Variants in FRAS1 observed in about 807,000 individuals in gnomAD.
The protein encoded by FRAS1 is Fraser extracellular matrix complex subunit 1.
In FRAS1, 290 loss-of-function variants were observed where a neutral mutation model predicts 435.2. The ratio of observed to expected loss-of-function variants is 0.67; its 90% CI spans 0.61 to 0.73. The LOEUF (loss-of-function observed/expected upper bound fraction) is 0.73. FRAS1 is among the 30% of genes least tolerant of loss of function. The probability of loss-of-function intolerance (pLI) is 0.00; values close to 1 mark genes in which losing one functional copy is unlikely to be tolerated. For missense variants in FRAS1, 4,860 were observed against 5,001.5 expected (o/e 0.97, Z 0.85); for synonymous variants, 1,800 against 1,851.0 (o/e 0.97, Z 0.71).
chr4:78,281,859 A>G (rs1727346576), intron 11 of FRAS1, among the ~76,000 whole-genome samples: 1 of 152,192 alleles, frequency 6.6e-6, no homozygotes, highest in Non-Finnish European at 1.5e-5. Context: ...TCTACAGGAC[A>G]ATGTTATATG....
At chr4:78,480,642 G>A (rs1560751334) in intron 56 of FRAS1, among the ~76,000 whole-genome samples, 1 of 152,206 alleles carries the variant, frequency 6.6e-6, no homozygotes, top group African/African-American at 2.4e-5. Context: ...TCATGTAAGA[G>A]CCCAAAGCGA....
At chr4:78,280,007 C>T (rs1208047570) in intron 10 of FRAS1, among the ~76,000 whole-genome samples, 1 of 152,186 alleles carries the variant, frequency 6.6e-6, no homozygotes, top group African/African-American at 2.4e-5. Flanking sequence ...GTGGCTGTAA[C>T]TTTCACAGTT....
chr4:78,265,376 G>A (rs544292090), intron 7 of FRAS1, among the ~76,000 whole-genome samples: 1 of 152,128 alleles, frequency 6.6e-6, no homozygotes, highest in Admixed American at 6.5e-5. Flanking sequence ...TGTCTTGAGG[G>A]GGAAAAAAAG....
intron 20 of FRAS1, among the ~76,000 whole-genome samples, chr4:78,341,932 C>T (rs1014561222): frequency 1.3e-5 from 2 of 152,172 alleles, no homozygotes; most frequent in Non-Finnish European, 2.9e-5. Flanking sequence ...TGCCCTGAAC[C>T]TAAAGTCCTG....
At chr4:78,288,456 C>T (rs902124449) in intron 14 of FRAS1, among the ~76,000 whole-genome samples, 4 of 152,074 alleles carry the variant, frequency 2.6e-5, no homozygotes, top group African/African-American at 9.7e-5. Flanking sequence ...CTCCCATGCC[C>T]GTTGTTTTAA....
chr4:78,499,670 T>A, intron 60 of FRAS1, 51 bp from the exon 61 acceptor site: 1 of 1,519,740 alleles, frequency 6.6e-7, no homozygotes, highest in South Asian at 1.2e-5. Flanking sequence ...GGAGTCTGAA[T>A]CCTTTGTGCT....
intron 2 of FRAS1, among the ~76,000 whole-genome samples, chr4:78,188,033 T>A (rs1722348350): frequency 6.6e-6 from 1 of 152,212 alleles, no homozygotes; most frequent in Non-Finnish European, 1.5e-5. Flanking sequence ...AAAGTTTAAA[T>A]TCACCAAGTG....
chr4:78,324,164 T>C (rs975974060), intron 18 of FRAS1, among the ~76,000 whole-genome samples: 9 of 151,656 alleles, frequency 5.9e-5, no homozygotes, highest in Non-Finnish European at 8.8e-5. Flanking sequence ...TTATACATAT[T>C]ACAGAAACTT....
chr4:78,370,706 C>T (rs1244613163), intron 23 of FRAS1, among the ~76,000 whole-genome samples: 9 of 152,172 alleles, frequency 5.9e-5, no homozygotes, highest in Non-Finnish European at 8.8e-5. Flanking sequence ...TGAGTGAAGA[C>T]GTAGTCCCTG....
At chr4:78,251,841 T>G (rs951916564) in intron 4 of FRAS1, among the ~76,000 whole-genome samples, 3 of 152,182 alleles carry the variant, frequency 2.0e-5, no homozygotes, top group Non-Finnish European at 2.9e-5. Flanking sequence ...AACTCAGTGC[T>G]TGGGTACATC....
intron 2 of FRAS1, among the ~76,000 whole-genome samples, chr4:78,125,230 C>G (rs1719277956): frequency 6.6e-6 from 1 of 152,168 alleles, no homozygotes; most frequent in Admixed American, 6.5e-5. Context: ...TTATTTCTGA[C>G]TTTATTTGGT....
At chr4:78,165,418 T>C (rs1401209877) in intron 2 of FRAS1, among the ~76,000 whole-genome samples, 1 of 152,234 alleles carries the variant, frequency 6.6e-6, no homozygotes, top group Non-Finnish European at 1.5e-5. Context: ...ATCAAACTGC[T>C]AAATTAGAAG....
chr4:78,194,755 GTCT>G (rs1409229076), intron 2 of FRAS1, among the ~76,000 whole-genome samples: 24 of 152,094 alleles, frequency 1.6e-4, no homozygotes, highest in South Asian at 2.1e-4. Flanking sequence ...ACCATCTGAA[GTCT>G]TCTTCTCTCA....
chr4:78,364,463 A>T (rs566917013), intron 22 of FRAS1, among the ~76,000 whole-genome samples: 1 of 152,202 alleles, frequency 6.6e-6, no homozygotes, highest in Non-Finnish European at 1.5e-5. Flanking sequence ...ACGTCTCTGG[A>T]TTTAATTTGT....
At position 78,475,536 on chromosome 4, in the gene FRAS1, G is replaced by A. The variant is rs952538503; in HGVS notation, c.7781G>A (p.Gly2594Asp). 1.2e-6 allele frequency: 2 copies of A among 1,613,794 alleles called. No homozygotes were observed. The highest frequency in any genetic ancestry group is 1.7e-6 in the Non-Finnish European group (2 of 1,179,752). ...ATCGTCCTGTGTCGCACCGAGCAAG[G>A]CACCGCCAGCTCCAGCTCCAGGGTC... ...YAIVLCRTEQGTASSSSRVSS... is the reference protein window; with the variant it reads ...YAIVLCRTEQDTASSSSRVSS... Residue 2594 changes from glycine to aspartate, a missense_variant, in exon 54 of 74, where the codon GGC becomes GAC. Transcript: ENST00000512123.
intron 2 of FRAS1, among the ~76,000 whole-genome samples, chr4:78,148,164 A>C (rs1190744036): frequency 6.6e-6 from 1 of 152,122 alleles, no homozygotes; most frequent in Non-Finnish European, 1.5e-5. Flanking sequence ...GAGTAGAGAA[A>C]TGACTAATTT....
chr4:78,302,284 T>C (rs1372453455), intron 14 of FRAS1, among the ~76,000 whole-genome samples: 1 of 151,740 alleles, frequency 6.6e-6, no homozygotes, highest in East Asian at 1.9e-4. Context: ...GTTCCAAGTC[T>C]TTGCTATTAT....
At chr4:78,127,353 A>C (rs1719417673) in intron 2 of FRAS1, among the ~76,000 whole-genome samples, 1 of 152,158 alleles carries the variant, frequency 6.6e-6, no homozygotes, top group African/African-American at 2.4e-5. Flanking sequence ...ATCTCATGGA[A>C]ATAGGAATTA....
chr4:78,343,068 C>CAACAAA (rs1305537699), intron 20 of FRAS1, among the ~76,000 whole-genome samples: 14 of 151,838 alleles, frequency 9.2e-5, no homozygotes, highest in Admixed American at 3.3e-4. Context: ...GTGTTGCATG[C>CAACAAA]AACAAAAACA....
Sources: allele counts gnomAD v4.1 joint callset (sites outside exome capture counted in the v4.1 genomes callset), GRCh38; gene constraint gnomAD v4.1.1; transcripts MANE v1.5; gene names NCBI Gene and HGNC (gene_info 2026-07-23, HGNC 2026-07-21).